ST6GAL1: variants seen among roughly 807,000 people sequenced by gnomAD.
The protein encoded by ST6GAL1 is beta-galactoside alpha-2,6-sialyltransferase 1.
ST6GAL1 carries 20 observed loss-of-function variants against 38.0 expected under a neutral mutation model. That is an observed-to-expected ratio of 0.53 (90% confidence interval 0.37 to 0.77). ST6GAL1 has a LOEUF of 0.77. Ranked by LOEUF, ST6GAL1 falls within the 30% of genes least tolerant of loss-of-function variation. The pLI is 0.00. For missense variants in ST6GAL1, 432 were observed against 496.4 expected, an observed-to-expected ratio of 0.87 and a Z score of 1.23; for synonymous variants, 196 against 188.2, an observed-to-expected ratio of 1.04 and a Z score of -0.34.
intron 2 of ST6GAL1, among the ~76,000 whole-genome samples, chr3:186,967,317 A>G (rs752890338): frequency 2.7e-4 from 41 of 152,054 alleles, no homozygotes; most frequent in Non-Finnish European, 5.4e-4. Context: ...TCAGCCTCCC[A>G]AGTAGCTGAG....
intron 2 of ST6GAL1, among the ~76,000 whole-genome samples, chr3:186,986,945 C>G (rs1560152081): frequency 6.8e-6 from 1 of 146,200 alleles, no homozygotes; most frequent in Admixed American, 7.0e-5. Context: ...GCTAAACATA[C>G]TCAGAACCAA....
At chr3:187,031,379 G>A (rs565604564) in intron 2 of ST6GAL1, among the ~76,000 whole-genome samples, 1 of 152,076 alleles carries the variant, frequency 6.6e-6, no homozygotes, top group South Asian at 2.1e-4. Context: ...AAAAATGGGG[G>A]TAGTAATGGT....
chr3:187,011,928 G>A (rs1051264141), intron 2 of ST6GAL1, among the ~76,000 whole-genome samples: 6 of 152,166 alleles, frequency 3.9e-5, no homozygotes, highest in East Asian at 1.9e-4. Context: ...GTTGAATTTC[G>A]GGAGGGTTTG....
intron 2 of ST6GAL1, among the ~76,000 whole-genome samples, chr3:187,021,197 C>T (rs558310458): frequency 3.9e-5 from 6 of 152,022 alleles, no homozygotes; most frequent in Admixed American, 6.5e-5. Flanking sequence ...CTCCTGACCT[C>T]GTGATCCACC....
At chr3:187,017,176 C>T (rs1301793380) in intron 2 of ST6GAL1, among the ~76,000 whole-genome samples, 1 of 152,092 alleles carries the variant, frequency 6.6e-6, no homozygotes, top group Non-Finnish European at 1.5e-5. Context: ...ATGCTTGAGC[C>T]GTGTGTTGAC....
rs111805405 is a variant in ST6GAL1, at chr3:186,990,650, CTT to C, written c.-183+26740_-183+26741del. Among the ~76,000 whole-genome samples, 569 of 129,494 alleles carry C rather than the reference CTT, an allele frequency of 4.4e-3. 1 individual carries two copies. The highest frequency in any genetic ancestry group is 0.027 in the Middle Eastern group (7 of 256). The allele number at this position is 129,494 out of a possible 152,430, so 85.0% of individuals were successfully genotyped here. On this transcript the variant is annotated intron_variant, in intron 2 of 7. Transcript: ENST00000169298. Reference sequence around the variant, plus strand: ...GACCAATCCCTTCCTACAGGATGTTCTTTTTTTTTTTTTTTTTGATTTCCTCT... The same window carrying C: ...GACCAATCCCTTCCTACAGGATGTTCTTTTTTTTTTTTTTTGATTTCCTCT...
chr3:187,057,132 A>T (rs6775413), intron 5 of ST6GAL1, among the ~76,000 whole-genome samples: 15,171 of 152,068 alleles, frequency 0.1, 2,534 homozygotes, highest in African/African-American at 0.34. Flanking sequence ...GTAGTTCTTA[A>T]GCCATGGTTT....
chr3:187,072,437 G>A (rs1049870097), intron 5 of ST6GAL1: 30 of 289,590 alleles, frequency 1.0e-4, no homozygotes, highest in African/African-American at 6.5e-4. Flanking sequence ...GGATGTGTAT[G>A]TAGTGTACTG....
chr3:186,957,713 A>G (rs1263128040), intron 1 of ST6GAL1, among the ~76,000 whole-genome samples: 2 of 152,202 alleles, frequency 1.3e-5, no homozygotes, highest in South Asian at 2.1e-4. Context: ...ATTATATATA[A>G]CAATAGAAAT....
At chr3:187,056,131 C>T (rs1028685081) in intron 5 of ST6GAL1, among the ~76,000 whole-genome samples, 5 of 152,062 alleles carry the variant, frequency 3.3e-5, no homozygotes, top group Non-Finnish European at 7.4e-5. Flanking sequence ...ATTGCAACCC[C>T]TGCTTTTTTT....
At chr3:186,969,482 A>C (rs1421785156) in intron 2 of ST6GAL1, among the ~76,000 whole-genome samples, 2 of 152,076 alleles carry the variant, frequency 1.3e-5, no homozygotes, top group Non-Finnish European at 2.9e-5. Flanking sequence ...CCTCTGGTGA[A>C]ATGTTTAGAT....
At chr3:186,987,926 A>G (rs1297018342) in intron 2 of ST6GAL1, among the ~76,000 whole-genome samples, 2 of 152,224 alleles carry the variant, frequency 1.3e-5, no homozygotes, top group African/African-American at 4.8e-5. Context: ...TGTATGCATA[A>G]TATCCCATGG....
intron 1 of ST6GAL1, among the ~76,000 whole-genome samples, chr3:186,946,248 G>T (rs1714364875): frequency 6.6e-6 from 1 of 151,902 alleles, no homozygotes; most frequent in East Asian, 1.9e-4. Flanking sequence ...AGGAAGCGGA[G>T]GTTGCAGTGA....
At chr3:187,061,736 C>G (rs1718922445) in intron 5 of ST6GAL1, among the ~76,000 whole-genome samples, 1 of 152,030 alleles carries the variant, frequency 6.6e-6, no homozygotes, top group Admixed American at 6.6e-5. Context: ...GATCTATGAC[C>G]TAAATGTAGA....
intron 1 of ST6GAL1, among the ~76,000 whole-genome samples, chr3:186,944,625 G>A (rs1012857526): frequency 6.6e-6 from 1 of 152,172 alleles, no homozygotes; most frequent in East Asian, 1.9e-4. Flanking sequence ...TGTCATTACA[G>A]AAAAAGTTAC....
intron 2 of ST6GAL1, among the ~76,000 whole-genome samples, chr3:187,005,339 G>A (rs981087186): frequency 7.1e-6 from 1 of 139,912 alleles, no homozygotes; most frequent in South Asian, 2.2e-4. Context: ...GCAGTGGCGC[G>A]ATCTCGGCTC....
chr3:187,014,967 A>G (rs1476920357), intron 2 of ST6GAL1, among the ~76,000 whole-genome samples: 1 of 152,206 alleles, frequency 6.6e-6, no homozygotes, highest in East Asian at 1.9e-4. Flanking sequence ...CTGAAAATCT[A>G]AGTGATTTCT....
chr3:186,962,525 G>A (rs553242360), intron 1 of ST6GAL1, among the ~76,000 whole-genome samples: 2 of 152,282 alleles, frequency 1.3e-5, no homozygotes, highest in African/African-American at 2.4e-5. Context: ...GGAGGGGCTT[G>A]GGGGAGAGAG....
chr3:186,966,019 C>T (rs1163856099), intron 2 of ST6GAL1, among the ~76,000 whole-genome samples: 1 of 152,224 alleles, frequency 6.6e-6, no homozygotes, highest in African/African-American at 2.4e-5. Context: ...CTGCCTCAGC[C>T]TCCCGAGTAG....
Sources: allele counts gnomAD v4.1 joint callset (sites outside exome capture counted in the v4.1 genomes callset), GRCh38; gene constraint gnomAD v4.1.1; transcripts MANE v1.5; gene names NCBI Gene and HGNC (gene_info 2026-07-23, HGNC 2026-07-21).